The following FAM53B variants were observed in gnomAD, a reference collection of about 807,000 sequenced individuals.
The protein encoded by FAM53B is protein FAM53B.
In FAM53B, 12 loss-of-function variants were observed where a neutral mutation model predicts 32.7. The ratio of observed to expected loss-of-function variants is 0.37; its 90% CI spans 0.24 to 0.59. FAM53B has a LOEUF of 0.59. Ranked by LOEUF, FAM53B falls within the 20% of genes least tolerant of loss-of-function variation. The pLI, the probability that FAM53B is intolerant of heterozygous loss-of-function variation, is 0.72. For synonymous variants in FAM53B, 234 were observed against 228.7 expected, an observed-to-expected ratio of 1.02 and a Z score of -0.21; for missense variants, 477 against 577.7, an observed-to-expected ratio of 0.83 and a Z score of 1.79.
At chr10:124,710,903 C>T (rs564961296) in intron 1 of FAM53B, among the ~76,000 whole-genome samples, 9 of 152,304 alleles carry the variant, frequency 5.9e-5, no homozygotes, top group Admixed American at 5.9e-4. Flanking sequence ...CATGCCTCAC[C>T]TCTCCATCCC....
Position 124,670,418 on chromosome 10 carries a change from C to A in FAM53B, c.906+11189G>T, listed in dbSNP as rs1341380233. 2.0e-5 allele frequency among the ~76,000 whole-genome samples: 3 copies of A among 152,250 alleles called. 1 individual carries two copies. Among genetic ancestry groups the A allele is most frequent in the Admixed American group, 2.0e-4 (3 of 15,304 alleles). ...TGGCCCCAGAGCCCTGATGGCATTC[C>A]AACCCTGCGCTCCAGGCAAAAAGCC... On this transcript the variant is annotated intron_variant, in intron 4 of 4. Transcript: ENST00000337318.
rs1949781183 is a variant in FAM53B at position 124,682,728 on chromosome 10, G to A, written c.134-349C>T. 1.3e-5 allele frequency among the ~76,000 whole-genome samples: 2 copies of A among 152,200 alleles called. No homozygotes were observed. Among genetic ancestry groups the A allele is most frequent in the South Asian group, 4.1e-4 (2 of 4,830 alleles). On this transcript the variant is annotated intron_variant, in intron 3 of 4. Coordinates refer to ENST00000337318, the MANE Select transcript of FAM53B (RefSeq NM_014661.4). This position sits in a 1 kb window ranked among gnomAD's most constrained non-coding sequence, Gnocchi z 5.2. ...TTTCTCATCTTATGGGTGGGAAATC[G>A]ACTTGCCCTGAACCCTGCCCCTGGC...
Position 124,623,568 on chromosome 10 carries a change from CGCTCAGGCA to C in FAM53B, c.934_942del (p.Cys312_Ser314del), listed in dbSNP as rs1436079437. Reference sequence around the variant, plus strand: ...TGGGGACCGCAGTCCTCTGTCCCTGCGCTCAGGCAGCTGAGGCTGCTGAAGGTCTGACAG... The same window carrying C: ...TGGGGACCGCAGTCCTCTGTCCCTGCGCTGAGGCTGCTGAAGGTCTGACAG... On this transcript the variant is annotated inframe_deletion, in exon 5 of 5. Transcript: ENST00000337318. 1.5e-5 allele frequency: 24 copies of C among 1,606,268 alleles called. No individual in the cohort carries two copies. Among genetic ancestry groups the C allele is most frequent in the Non-Finnish European group, 2.0e-5 (23 of 1,177,946 alleles).
chr10:124,677,909 G>A lies in FAM53B; in HGVS notation c.906+3698C>T, dbSNP rs957457236. ...CACACGGCGAACTCCCTCTGACAAG[G>A]GGGGGTGAATCCAATTGTCACCATT... On this transcript the variant is annotated intron_variant, in intron 4 of 4. Coordinates refer to ENST00000337318, the MANE Select transcript of FAM53B (RefSeq NM_014661.4). 1.3e-5 allele frequency among the ~76,000 whole-genome samples: 2 copies of A among 152,190 alleles called. 1 individual carries two copies. Among genetic ancestry groups the A allele is most frequent in the Non-Finnish European group, 2.9e-5 (2 of 68,044 alleles).
In FAM53B at chr10:124,623,124, C is replaced by T. The variant is rs539387827; in HGVS notation, c.*118G>A. On this transcript the variant is annotated 3_prime_UTR_variant, in exon 5 of 5. Transcript: ENST00000337318. ...GGGCTCCCTCTCTGGGACCCGACAC[C>T]ACTCAGGAAGCTTTCATCAGGCCCA... is the stretch of plus-strand genomic sequence containing the variant. The T allele has an allele frequency of 1.5e-6, 2 of 1,346,454 alleles. No homozygotes were observed. Among genetic ancestry groups the T allele is most frequent in the South Asian group, 1.4e-5 (1 of 70,020 alleles). 83.4% of individuals were successfully genotyped at this position (1,346,454 alleles called of 1,614,324 possible). A position where few individuals can be genotyped will look rare whatever the true frequency, so the allele number is the denominator to read the frequency against.
intron 4 of FAM53B, among the ~76,000 whole-genome samples, chr10:124,642,298 C>A (rs918707596): frequency 2.6e-5 from 4 of 152,214 alleles, no homozygotes; most frequent in African/African-American, 9.7e-5. Flanking sequence ...AAGGAGAGGA[C>A]AGCCAGAGCG....
chr10:124,723,150 C>G (rs188236163), intron 1 of FAM53B, among the ~76,000 whole-genome samples: 2 of 152,344 alleles, frequency 1.3e-5, no homozygotes, highest in East Asian at 3.9e-4. Flanking sequence ...TGAAATGAAC[C>G]AGCAAGCTGC....
Position 124,647,468 on chromosome 10 carries a change from C to T in FAM53B, c.907-23864G>A, listed in dbSNP as rs374256601. 2.6e-5 allele frequency among the ~76,000 whole-genome samples: 4 copies of T among 152,230 alleles called. No homozygotes were observed. In the East Asian group the frequency reaches 7.7e-4, roughly 29 times the overall value. On this transcript the variant is annotated intron_variant, in intron 4 of 4. Coordinates refer to ENST00000337318, the MANE Select transcript of FAM53B (RefSeq NM_014661.4). The stretch of plus-strand genomic sequence containing the variant: ...AAAGGAACTGGAAGCTCCCTGTAGA[C>T]AGGCAGGCAAGAGAAGAAAAGGAAA...
chr10:124,701,484 G>A (rs1949914617), intron 2 of FAM53B, among the ~76,000 whole-genome samples: 1 of 152,252 alleles, frequency 6.6e-6, no homozygotes, highest in Admixed American at 6.5e-5. Flanking sequence ...AGCCTTAAGG[G>A]AGGATGGGCT....
At chr10:124,702,043 G>A (rs76943110) in intron 2 of FAM53B, among the ~76,000 whole-genome samples, 7,206 of 152,218 alleles carry the variant, frequency 0.047, 561 homozygotes, top group African/African-American at 0.16. Context: ...ATGACACCCA[G>A]GGTTGCGAGG....
intron 4 of FAM53B, among the ~76,000 whole-genome samples, 177 bp downstream of exon 4, chr10:124,681,430 C>T (rs185456028): frequency 6.8e-4 from 103 of 152,324 alleles, no homozygotes; most frequent in Non-Finnish European, 1.3e-3. Context: ...TAGAAATAAA[C>T]GCTTTTTAAA....
At chr10:124,656,429 C>A (rs562491539) in intron 4 of FAM53B, among the ~76,000 whole-genome samples, 22 of 152,340 alleles carry the variant, frequency 1.4e-4, no homozygotes, top group African/African-American at 5.1e-4. Context: ...TGAACACAGA[C>A]CCCCTGAACT....
chr10:124,718,870 A>C (rs142978709), intron 1 of FAM53B, among the ~76,000 whole-genome samples: 2 of 152,198 alleles, frequency 1.3e-5, no homozygotes, highest in African/African-American at 4.8e-5. Flanking sequence ...AACATGGAGA[A>C]ATCCCCATCT....
chr10:124,740,692 T>C (rs886069147), intron 1 of FAM53B, among the ~76,000 whole-genome samples: 1 of 152,184 alleles, frequency 6.6e-6, no homozygotes, highest in Admixed American at 6.5e-5. Flanking sequence ...TTTTGGAAAG[T>C]GTATCCGTTG....
chr10:124,712,044 G>A (rs1240896699), intron 1 of FAM53B, among the ~76,000 whole-genome samples: 2 of 152,026 alleles, frequency 1.3e-5, no homozygotes, highest in African/African-American at 4.8e-5. Context: ...TGGTGATAGA[G>A]GGAGACCTTA....
chr10:124,727,619 C>T (rs2134099589), intron 1 of FAM53B, among the ~76,000 whole-genome samples: 1 of 152,144 alleles, frequency 6.6e-6, no homozygotes, highest in African/African-American at 2.4e-5. Flanking sequence ...CTCCCTGTGC[C>T]AATAACCTGG....
chr10:124,676,074 T>C (rs1341232206), intron 4 of FAM53B, among the ~76,000 whole-genome samples: 3 of 152,210 alleles, frequency 2.0e-5, no homozygotes, highest in African/African-American at 7.2e-5. Context: ...CCCCTTGACA[T>C]CCCTAAACTC....
chr10:124,695,815 C>T (rs1302962774), intron 3 of FAM53B, among the ~76,000 whole-genome samples: 1 of 152,174 alleles, frequency 6.6e-6, no homozygotes, highest in Non-Finnish European at 1.5e-5. Context: ...CATAAACATA[C>T]ACAAAAATAT....
intron 4 of FAM53B, among the ~76,000 whole-genome samples, chr10:124,650,539 C>G (rs961046604): frequency 1.3e-5 from 2 of 152,214 alleles, no homozygotes; most frequent in African/African-American, 4.8e-5. Context: ...GATCTTCACA[C>G]CAACCCTGTG....
Sources: allele counts gnomAD v4.1 joint callset (sites outside exome capture counted in the v4.1 genomes callset), GRCh38; gene constraint gnomAD v4.1.1; non-coding constraint Gnocchi (gnomAD v3.1); transcripts MANE v1.5; gene names NCBI Gene and HGNC (gene_info 2026-07-23, HGNC 2026-07-21).